BMP6: variants seen among roughly 807,000 people sequenced by gnomAD.
The protein encoded by BMP6 is VG-1-R.
A neutral mutation model predicts 54.1 loss-of-function variants in BMP6; 17 were observed. The observed-to-expected ratio is 0.31, with a 90% CI of 0.22 to 0.47. The LOEUF (loss-of-function observed/expected upper bound fraction) is 0.47. Ranked by LOEUF, BMP6 falls within the 20% of genes least tolerant of loss-of-function variation. The probability of loss-of-function intolerance (pLI) is 1.00; values close to 1 mark genes in which losing one functional copy is unlikely to be tolerated. For synonymous variants in BMP6, 328 were observed against 291.2 expected (o/e 1.13, Z -1.28); for missense variants, 720 against 690.4 (o/e 1.04, Z -0.48).
intron 1 of BMP6, among the ~76,000 whole-genome samples, chr6:7,813,213 G>A (rs1426316559): frequency 7.0e-5 from 9 of 128,036 alleles, no homozygotes; most frequent in African/African-American, 2.7e-4. Flanking sequence ...ATCTCTGATT[G>A]TGTTTTCTCT....
intron 1 of BMP6, among the ~76,000 whole-genome samples, chr6:7,836,286 G>A (rs186493050): frequency 1.8e-4 from 28 of 152,158 alleles, no homozygotes; most frequent in African/African-American, 6.3e-4. Flanking sequence ...TACGATACAT[G>A]TACTGGATAT....
At chr6:7,801,338 G>A (rs767318013) in intron 1 of BMP6, among the ~76,000 whole-genome samples, 5 of 152,270 alleles carry the variant, frequency 3.3e-5, no homozygotes, top group Admixed American at 1.3e-4. Flanking sequence ...ATCGCTGAGC[G>A]GTGACGCACT....
chr6:7,805,073 A>C (rs968366688), intron 1 of BMP6, among the ~76,000 whole-genome samples: 11 of 152,312 alleles, frequency 7.2e-5, no homozygotes, highest in African/African-American at 2.6e-4. Flanking sequence ...AACCCTATTT[A>C]TATAATACTG....
chr6:7,820,816 G>A (rs1037883125), intron 1 of BMP6, among the ~76,000 whole-genome samples: 1 of 152,186 alleles, frequency 6.6e-6, no homozygotes, highest in Non-Finnish European at 1.5e-5. Context: ...AGGTGGGGAG[G>A]GGGGTGGTTT....
intron 1 of BMP6, among the ~76,000 whole-genome samples, chr6:7,735,097 C>T (rs965791020): frequency 2.0e-5 from 3 of 152,228 alleles, no homozygotes; most frequent in Non-Finnish European, 4.4e-5. Context: ...ATTCACAGGG[C>T]GCAGAAAACA....
At chr6:7,847,162 A>C (rs902554367) in intron 2 of BMP6, among the ~76,000 whole-genome samples, 23 of 152,192 alleles carry the variant, frequency 1.5e-4, no homozygotes, top group Non-Finnish European at 7.3e-5. Context: ...TTGGAAAATA[A>C]AATCCTGAAT....
At chr6:7,838,589 C>T (rs540383600) in intron 1 of BMP6, among the ~76,000 whole-genome samples, 1 of 152,314 alleles carries the variant, frequency 6.6e-6, no homozygotes, top group East Asian at 1.9e-4. Flanking sequence ...GACTGAAAGT[C>T]AGAGTCCTTG....
At chr6:7,865,180 C>CT (rs1270755872) in intron 4 of BMP6, among the ~76,000 whole-genome samples, 2 of 152,138 alleles carry the variant, frequency 1.3e-5, no homozygotes, top group African/African-American at 2.4e-5. Context: ...TCCCTTTCAA[C>CT]TTTTTTCAAT....
chr6:7,848,261 G>A (rs573330990), intron 2 of BMP6, among the ~76,000 whole-genome samples: 66 of 152,294 alleles, frequency 4.3e-4, no homozygotes, highest in African/African-American at 1.5e-3. Context: ...TTGTCTATAA[G>A]TTGCTGACTG....
rs747524355 is a variant in BMP6 at position 7,862,412 on chromosome 6, C to G, written c.1118C>G (p.Thr373Ser). ...GTGAGTGAGGTGCACGTGCGCACCA[C>G]CAGGTCAGCCTCCAGCCGGCGCCGA... ...FKVSEVHVRT[T>S]RSASSRRRQQ... The change falls in exon 4 of 7, where the codon ACC becomes AGC. Residue 373 changes from threonine (T) to serine (S), a missense_variant. Physicochemically the swap from Thr to Ser is moderately conservative, Grantham distance 58. Coordinates refer to ENST00000283147, the MANE Select transcript of BMP6 (RefSeq NM_001718.6). 6.2e-6 allele frequency: 10 copies of G among 1,614,104 alleles called. No homozygotes were observed. The highest frequency in any genetic ancestry group is 5.0e-5 in the Admixed American group (3 of 60,004).
intron 1 of BMP6, among the ~76,000 whole-genome samples, chr6:7,772,684 T>C (rs1015325562): frequency 5.9e-5 from 9 of 152,130 alleles, no homozygotes; most frequent in Non-Finnish European, 1.2e-4. Context: ...TCAATGAGAC[T>C]TCCAAAATTT....
At chr6:7,855,553 CTTTTTTTTTTTTTT>C (rs778898901) in intron 2 of BMP6, among the ~76,000 whole-genome samples, 2 of 105,052 alleles carry the variant, frequency 1.9e-5, no homozygotes, top group East Asian at 3.0e-4. Context: ...CTCTCTCTCT[CTTTTTTTTTTTTTT>C]TTTTTTTTTT....
intron 2 of BMP6, among the ~76,000 whole-genome samples, chr6:7,856,297 A>G (rs1332932872): frequency 1.3e-5 from 2 of 152,140 alleles, no homozygotes; most frequent in South Asian, 2.1e-4. Flanking sequence ...AACATAATCT[A>G]TACTGTACTT....
chr6:7,797,342 G>C (rs1456252926), intron 1 of BMP6, among the ~76,000 whole-genome samples: 3 of 152,152 alleles, frequency 2.0e-5, no homozygotes, highest in African/African-American at 7.2e-5. Context: ...CACATCCCGA[G>C]TAATGAAGTG....
At chr6:7,847,503 C>A (rs984942785) in intron 2 of BMP6, among the ~76,000 whole-genome samples, 1 of 152,194 alleles carries the variant, frequency 6.6e-6, no homozygotes, top group Non-Finnish European at 1.5e-5. Context: ...GAAAACAATT[C>A]TCCAGGCTTG....
intron 1 of BMP6, among the ~76,000 whole-genome samples, chr6:7,823,771 GC>G: frequency 6.6e-6 from 1 of 152,302 alleles, no homozygotes; most frequent in Non-Finnish European, 1.5e-5. Flanking sequence ...ACTGGCTGGG[GC>G]CTTCAGCGTT....
At chr6:7,847,840 A>G (rs901880747) in intron 2 of BMP6, among the ~76,000 whole-genome samples, 1 of 152,190 alleles carries the variant, frequency 6.6e-6, no homozygotes, top group African/African-American at 2.4e-5. Flanking sequence ...TAAAAAGAAA[A>G]AAGGTGGCTA....
At chr6:7,803,813 A>G (rs897977166) in intron 1 of BMP6, among the ~76,000 whole-genome samples, 1 of 152,076 alleles carries the variant, frequency 6.6e-6, no homozygotes, top group Admixed American at 6.6e-5. Flanking sequence ...TTAATTGGCC[A>G]TGCTTTTCCT....
At chr6:7,758,701 G>A (rs920368637) in intron 1 of BMP6, among the ~76,000 whole-genome samples, 1 of 152,198 alleles carries the variant, frequency 6.6e-6, no homozygotes, top group Non-Finnish European at 1.5e-5. Context: ...GCCTGACACC[G>A]AAGAAAAACG....
Sources: gnomAD v4.1 joint callset for allele counts (sites outside exome capture counted in the v4.1 genomes callset) on GRCh38, gnomAD v4.1.1 for gene constraint, MANE v1.5 for transcripts, NCBI Gene and HGNC (gene_info 2026-07-23, HGNC 2026-07-21) for gene names.